Variants in CBFB observed in about 807,000 individuals in gnomAD.
CBFB encodes core-binding factor subunit beta.
Under a neutral mutation model 30.4 loss-of-function variants are expected in CBFB, and 9 were observed. The observed-to-expected ratio is 0.30, with a 90% confidence interval of 0.18 to 0.52. CBFB has a LOEUF of 0.52. CBFB is among the 20% of genes least tolerant of loss of function. The pLI, the probability that CBFB is intolerant of heterozygous loss-of-function variation, is 0.97. For missense variants in CBFB, 170 were observed against 244.0 expected, an observed-to-expected ratio of 0.70 and a Z score of 2.02; for synonymous variants, 94 against 84.0, an observed-to-expected ratio of 1.12 and a Z score of -0.65.
chr16:67,098,320 A>G (rs1054382436), intron 5 of CBFB, among the ~76,000 whole-genome samples: 36 of 152,062 alleles, frequency 2.4e-4, no homozygotes, highest in African/African-American at 8.7e-4. Flanking sequence ...TATTTTTCAT[A>G]GAGACAGGGT....
At chr16:67,090,851 A>C (rs1424789203) in intron 5 of CBFB, among the ~76,000 whole-genome samples, 1 of 152,236 alleles carries the variant, frequency 6.6e-6, no homozygotes, top group African/African-American at 2.4e-5. Flanking sequence ...TGGAAATAAA[A>C]ACAGGCAAAA....
chr16:67,053,392 T>C (rs1960619155), intron 3 of CBFB, among the ~76,000 whole-genome samples: 1 of 151,620 alleles, frequency 6.6e-6, no homozygotes, highest in Non-Finnish European at 1.5e-5. Context: ...TAGCTGGGAC[T>C]ACGGGCCCCC....
intron 4 of CBFB, among the ~76,000 whole-genome samples, chr16:67,074,628 G>A (rs1423879006): frequency 6.6e-6 from 1 of 151,850 alleles, no homozygotes; most frequent in African/African-American, 2.4e-5. Context: ...TGATCCACCC[G>A]CTTCGGCCTC....
rs552819420 is a variant in CBFB, at chr16:67,054,424, C to T, written c.283-12258C>T. On this transcript the variant is annotated intron_variant, in intron 3 of 5. Transcript: ENST00000412916. The stretch of plus-strand genomic sequence containing the variant: ...TGGAAGTTTGTAAAATCTTTGTCTC[C>T]ATGTTTTGGTATTTATCTATGATGT... 3.4e-4 allele frequency among the ~76,000 whole-genome samples: 52 copies of T among 152,176 alleles called. 1 individual carries two copies. The highest frequency in any genetic ancestry group is 1.2e-3 in the African/African-American group (51 of 41,560).
At chr16:67,064,039 C>T (rs929102647) in intron 3 of CBFB, among the ~76,000 whole-genome samples, 3 of 152,136 alleles carry the variant, frequency 2.0e-5, no homozygotes, top group African/African-American at 7.2e-5. Flanking sequence ...TGAAAAGCCT[C>T]GTTAATAAAT....
At position 67,086,764 on chromosome 16, in the gene CBFB, T is replaced by C. The variant is rs1337758796; in HGVS notation, c.495+4456T>C. 3.9e-5 allele frequency among the ~76,000 whole-genome samples: 6 copies of C among 152,182 alleles called. 1 individual carries two copies. In the South Asian group the frequency reaches 6.2e-4, roughly 16 times the overall value. ...ATTCTGCATTAGGGACTGAGAAATA[T>C]ATAGATGAAAATGCATTGTTTCTGT... On this transcript the variant is annotated intron_variant, in intron 5 of 5. Transcript: ENST00000412916.
chr16:67,041,017 T>A lies in CBFB; in HGVS notation c.282+4262T>A, dbSNP rs148790035. 8.5e-5 allele frequency among the ~76,000 whole-genome samples: 13 copies of A among 152,302 alleles called. No individual in the cohort carries two copies. The East Asian group carries it at 1.2e-3, about 14-fold the overall frequency. ...AAGTTGTAGTAGATGAAATCAGAAA[T>A]AACAATGAGCCAGTTCATGTGACCA... On this transcript the variant is annotated intron_variant, in intron 3 of 5. Transcript: ENST00000412916.
chr16:67,034,645 C>T (rs1006548861), intron 2 of CBFB, among the ~76,000 whole-genome samples: 1 of 152,132 alleles, frequency 6.6e-6, no homozygotes, highest in Non-Finnish European at 1.5e-5. Context: ...AGGTTGGCAT[C>T]AAGACAGGAG....
chr16:67,033,018 G>A (rs547121964), intron 2 of CBFB, among the ~76,000 whole-genome samples: 1 of 152,250 alleles, frequency 6.6e-6, no homozygotes, highest in East Asian at 1.9e-4. Context: ...GGAATTACAG[G>A]CGTATACCAC....
intron 3 of CBFB, among the ~76,000 whole-genome samples, chr16:67,061,751 G>C (rs112548091): frequency 0.013 from 2,018 of 152,098 alleles, 22 homozygotes; most frequent in Non-Finnish European, 0.021. Context: ...TCATTTTCTG[G>C]CTGGGTGCGG....
rs574712752 is a variant in CBFB, at chr16:67,098,990, A to G, written c.*212A>G. 1 of 421,670 alleles carries G rather than the reference A, an allele frequency of 2.4e-6. No homozygotes were observed. The highest frequency in any genetic ancestry group is 2.0e-5 in the African/African-American group (1 of 48,962). 26.1% of individuals were successfully genotyped at this position (421,670 alleles called of 1,614,324 possible). On this transcript the variant is annotated 3_prime_UTR_variant, in exon 6 of 6. Transcript: ENST00000412916. ...CTAATTTTTTAAGCATGTAGCCAGT[A>G]ATAATTTGAAGTTTTTTTTCTATGC...
chr16:67,048,638 C>T (rs940964696), intron 3 of CBFB, among the ~76,000 whole-genome samples: 1 of 151,994 alleles, frequency 6.6e-6, no homozygotes, highest in African/African-American at 2.4e-5. Context: ...GCAAGCTCTG[C>T]CTCCCGGGTT....
At chr16:67,050,961 G>C (rs1034040792) in intron 3 of CBFB, among the ~76,000 whole-genome samples, 13 of 152,170 alleles carry the variant, frequency 8.5e-5, no homozygotes, top group African/African-American at 3.1e-4. Context: ...TGGACAAAGA[G>C]ATGATTCACC....
chr16:67,029,982 A>C (rs1372271068), intron 2 of CBFB, 169 bp downstream of exon 2: 3 of 478,932 alleles, frequency 6.3e-6, no homozygotes, highest in Non-Finnish European at 1.1e-5. Context: ...GCGGGCCGGT[A>C]CTCGCGGGGA....
At chr16:67,053,609 G>C (rs1468488857) in intron 3 of CBFB, among the ~76,000 whole-genome samples, 1 of 151,846 alleles carries the variant, frequency 6.6e-6, no homozygotes, top group Non-Finnish European at 1.5e-5. Context: ...CAGAATCTTA[G>C]GGTCAAGTCC....
At chr16:67,037,088 G>A (rs868217343) in intron 3 of CBFB, among the ~76,000 whole-genome samples, 2 of 152,016 alleles carry the variant, frequency 1.3e-5, no homozygotes, top group Non-Finnish European at 2.9e-5. Context: ...TAGTGGAGAT[G>A]GGGTTTCACC....
chr16:67,047,731 T>G (rs559957249), intron 3 of CBFB, among the ~76,000 whole-genome samples: 1 of 152,296 alleles, frequency 6.6e-6, no homozygotes, highest in South Asian at 2.1e-4. Context: ...TTTTTAGTCC[T>G]GAGTTTCTAT....
chr16:67,083,403 C>A (rs1961627341), intron 5 of CBFB, among the ~76,000 whole-genome samples: 2 of 151,316 alleles, frequency 1.3e-5, no homozygotes. Flanking sequence ...TCAAGTGATT[C>A]TCCTGCCTCA....
intron 3 of CBFB, among the ~76,000 whole-genome samples, chr16:67,053,074 C>G (rs1246435576): frequency 6.6e-6 from 1 of 151,554 alleles, no homozygotes; most frequent in African/African-American, 2.4e-5. Flanking sequence ...CCGTCTCCCC[C>G]CACAAAATAA....
Sources: allele counts gnomAD v4.1 joint callset (sites outside exome capture counted in the v4.1 genomes callset), GRCh38; gene constraint gnomAD v4.1.1; transcripts MANE v1.5; gene names NCBI Gene and HGNC (gene_info 2026-07-23, HGNC 2026-07-21).